The following SORBS2 variants were observed in gnomAD, a reference collection of about 807,000 sequenced individuals.
SORBS2 encodes the protein sorbin and SH3 domain-containing protein 2.
In SORBS2, 46 loss-of-function variants were observed where a neutral mutation model predicts 97.7. That is an observed-to-expected ratio of 0.47 (90% CI 0.37 to 0.60). SORBS2 has a LOEUF of 0.60. SORBS2 is among the 20% of genes least tolerant of loss of function. The pLI is 0.00. For missense variants in SORBS2, 1,316 were observed against 1,282.3 expected, an observed-to-expected ratio of 1.03 and a Z score of -0.40; for synonymous variants, 476 against 473.4, an observed-to-expected ratio of 1.01 and a Z score of -0.07.
intron 2 of SORBS2, among the ~76,000 whole-genome samples, chr4:185,710,992 CA>C (rs33981335): frequency 0.21 from 31,733 of 151,936 alleles, 3,884 homozygotes; most frequent in Non-Finnish European, 0.28. Context: ...TTTTTAGAGA[CA>C]GGGTCTCTCT....
rs148021041 is a variant in SORBS2 at position 185,888,059 on chromosome 4, A to ATATTATTATTATTAT, written c.-338+68122_-338+68136dup. 3.7e-3 allele frequency among the ~76,000 whole-genome samples: 557 copies of ATATTATTATTATTAT among 148,902 alleles called. 3 individuals carry two copies. Among genetic ancestry groups the ATATTATTATTATTAT allele is most frequent in the African/African-American group, 0.012 (466 of 40,452 alleles). ...TAAACTGTATGAAACCTGACATTCT[A>ATATTATTATTATTAT]TATTATTATTATTATTATTATTTTG... On this transcript the variant is annotated intron_variant, in intron 1 of 20. Transcript: ENST00000284776.
intron 1 of SORBS2, among the ~76,000 whole-genome samples, chr4:185,941,314 T>C (rs982707502): frequency 3.3e-5 from 5 of 152,218 alleles, no homozygotes; most frequent in African/African-American, 1.2e-4. Flanking sequence ...AATTTGAATG[T>C]AGATGGTCTG....
chr4:185,603,549 A>G (rs1326508723), intron 12 of SORBS2, among the ~76,000 whole-genome samples: 1 of 152,188 alleles, frequency 6.6e-6, no homozygotes, highest in Non-Finnish European at 1.5e-5. Context: ...ACAGAACCTT[A>G]GCTGTATTAG....
In SORBS2 at chr4:185,711,876, C is replaced by T. The variant is rs561150376; in HGVS notation, c.-197-33054G>A. Among the ~76,000 whole-genome samples, 259 of 152,228 alleles carry T rather than the reference C, an allele frequency of 1.7e-3. 2 individuals are homozygous for T. Among genetic ancestry groups the T allele is most frequent in the African/African-American group, 5.9e-3 (247 of 41,532 alleles). On this transcript the variant is annotated intron_variant, in intron 2 of 20. Coordinates refer to the SORBS2 transcript ENST00000284776. Reference sequence around the variant, plus strand: ...CTGCCCAACACCACACTCAGCTGACCGTGCTCCCCGCCACCTATCCTCTCC... The same window carrying T: ...CTGCCCAACACCACACTCAGCTGACTGTGCTCCCCGCCACCTATCCTCTCC...
intron 2 of SORBS2, among the ~76,000 whole-genome samples, chr4:185,730,692 A>T (rs1429577891): frequency 6.6e-6 from 1 of 152,182 alleles, no homozygotes; most frequent in African/African-American, 2.4e-5. Flanking sequence ...GTAAGTTTGC[A>T]CTGGGCTATC....
At chr4:185,661,524 T>C (rs921923021), upstream of SORBS2, among the ~76,000 whole-genome samples, 1 of 152,186 alleles carries the variant, frequency 6.6e-6, no homozygotes, top group Non-Finnish European at 1.5e-5. Context: ...GATTGCTCTA[T>C]ACAATGACAG....
chr4:185,627,682 A>AC (rs2096838983), intron 5 of SORBS2, among the ~76,000 whole-genome samples: 1 of 152,034 alleles, frequency 6.6e-6, no homozygotes, highest in South Asian at 2.1e-4. Flanking sequence ...ATGCGTCGTC[A>AC]CCCCAAGTCC....
chr4:185,703,807 T>C (rs147946696), intron 2 of SORBS2, among the ~76,000 whole-genome samples: 1 of 152,348 alleles, frequency 6.6e-6, no homozygotes, highest in Admixed American at 6.5e-5. Flanking sequence ...TGGCTATTTG[T>C]AAGGCTACTA....
intron 2 of SORBS2, among the ~76,000 whole-genome samples, chr4:185,731,507 T>A (rs2098627894): frequency 1.2e-5 from 1 of 86,236 alleles, no homozygotes; most frequent in African/African-American, 4.6e-5. Context: ...TCTCCCTCCC[T>A]CCCTGCCTAT....
At chr4:185,936,649 A>G (rs2099269095) in intron 1 of SORBS2, among the ~76,000 whole-genome samples, 1 of 152,226 alleles carries the variant, frequency 6.6e-6, no homozygotes, top group South Asian at 2.1e-4. Context: ...CATAAATCCC[A>G]TATTTCTGAT....
At chr4:185,800,463 C>T (rs1441927524) in intron 1 of SORBS2, among the ~76,000 whole-genome samples, 2 of 152,260 alleles carry the variant, frequency 1.3e-5, no homozygotes, top group East Asian at 3.9e-4. Context: ...AGCTCACTTG[C>T]TCAATTCATT....
intron 1 of SORBS2, among the ~76,000 whole-genome samples, chr4:185,654,012 A>G (rs753854851): frequency 6.6e-6 from 1 of 152,106 alleles, no homozygotes; most frequent in African/African-American, 2.4e-5. Flanking sequence ...TGGTCACTGC[A>G]TTTTTCCTCT....
chr4:185,913,468 C>T (rs1045864828), intron 1 of SORBS2, among the ~76,000 whole-genome samples: 2 of 152,158 alleles, frequency 1.3e-5, no homozygotes, highest in African/African-American at 2.4e-5. Context: ...TCTTTCGAGA[C>T]GAGTCTAAAC....
At chr4:185,759,719 T>C (rs767087875) in intron 2 of SORBS2, among the ~76,000 whole-genome samples, 1 of 152,196 alleles carries the variant, frequency 6.6e-6, no homozygotes, top group Non-Finnish European at 1.5e-5. Flanking sequence ...TCCCCAGTGA[T>C]AAATATTCAA....
At chr4:185,913,545 G>A (rs901814450) in intron 1 of SORBS2, among the ~76,000 whole-genome samples, 3 of 152,078 alleles carry the variant, frequency 2.0e-5, no homozygotes, top group Non-Finnish European at 4.4e-5. Context: ...TGTGTTAAAC[G>A]GTAAGACTGA....
At chr4:185,750,993 A>C (rs1188170084) in intron 2 of SORBS2, among the ~76,000 whole-genome samples, 1 of 151,962 alleles carries the variant, frequency 6.6e-6, no homozygotes, top group African/African-American at 2.4e-5. Context: ...ATCCAAAAAA[A>C]ATTTACAATA....
At chr4:185,907,641 G>A (rs933271361) in intron 1 of SORBS2, among the ~76,000 whole-genome samples, 5 of 151,980 alleles carry the variant, frequency 3.3e-5, no homozygotes, top group African/African-American at 4.8e-5. Flanking sequence ...TTTAGTTTCC[G>A]AGGTTTTATT....
intron 1 of SORBS2, among the ~76,000 whole-genome samples, chr4:185,833,551 G>C (rs1275510131): frequency 6.6e-6 from 1 of 152,048 alleles, no homozygotes; most frequent in African/African-American, 2.4e-5. Flanking sequence ...GTTTGAAAAA[G>C]AAATACTTTG....
intron 10 of SORBS2, 31 bp downstream of exon 22, chr4:185,615,014 G>A (rs756585269): frequency 1.2e-5 from 19 of 1,613,090 alleles, no homozygotes; most frequent in Admixed American, 6.7e-5. Context: ...TGAAACCACC[G>A]CCATCCAAGA....
Sources: allele counts gnomAD v4.1 joint callset (sites outside exome capture counted in the v4.1 genomes callset), GRCh38; gene constraint gnomAD v4.1.1; transcripts MANE v1.5; gene names NCBI Gene and HGNC (gene_info 2026-07-23, HGNC 2026-07-21).